SLC4A8: variants seen among roughly 807,000 people sequenced by gnomAD.
SLC4A8 encodes electroneutral sodium bicarbonate exchanger 1.
SLC4A8 carries 40 observed loss-of-function variants against 125.0 expected under a neutral mutation model. That is an observed-to-expected ratio of 0.32 (90% confidence interval 0.25 to 0.42). SLC4A8 has a LOEUF of 0.42. SLC4A8 is among the 10% of genes least tolerant of loss of function. SLC4A8 has a pLI of 1.00. For synonymous variants in SLC4A8, 456 were observed against 476.0 expected (o/e 0.96, Z 0.55); for missense variants, 863 against 1,355.1 (o/e 0.64, Z 5.70).
At chr12:51,469,836 A>G (rs756726753) in intron 12 of SLC4A8, 48 bp downstream of exon 12, 1 of 1,581,600 alleles carries the variant, frequency 6.3e-7, no homozygotes, top group Non-Finnish European at 8.7e-7. Context: ...GACCTAAAAT[A>G]TTGTGGCGGC....
chr12:51,422,211 C>G (rs905974711), upstream of SLC4A8: 3 of 152,182 alleles, frequency 2.0e-5, no homozygotes, highest in Admixed American at 2.0e-4. Context: ...GACATTATGA[C>G]TATTAAATGA....
At chr12:51,411,653 CTTAA>C (rs1371329142) in intron 1 of SLC4A8, among the ~76,000 whole-genome samples, 2 of 151,996 alleles carry the variant, frequency 1.3e-5, no homozygotes, top group Non-Finnish European at 2.9e-5. Flanking sequence ...GAGTTGGGTA[CTTAA>C]TTCATTTATT....
At chr12:51,447,529 T>C (rs1949811384) in intron 2 of SLC4A8, among the ~76,000 whole-genome samples, 1 of 152,104 alleles carries the variant, frequency 6.6e-6, no homozygotes, top group Admixed American at 6.5e-5. Context: ...GGCACATTTG[T>C]GGAATGGCAG....
At chr12:51,493,143 G>A (rs949473570) in intron 19 of SLC4A8, among the ~76,000 whole-genome samples, 1 of 152,110 alleles carries the variant, frequency 6.6e-6, no homozygotes, top group Non-Finnish European at 1.5e-5. Context: ...TAGACATGAC[G>A]TGATCAGAAA....
intron 18 of SLC4A8, 119 bp downstream of exon 18, chr12:51,488,979 G>A (rs1951232289): frequency 4.2e-6 from 3 of 719,210 alleles, no homozygotes; most frequent in East Asian, 5.3e-5. Flanking sequence ...GTTCATAAGG[G>A]GTTTCCATTC....
At position 51,405,876 on chromosome 12, in the gene SLC4A8, G is replaced by A. The variant is rs145336162; in HGVS notation, c.-112+14388G>A. Among the ~76,000 whole-genome samples, 74 of 152,318 alleles carry A rather than the reference G, an allele frequency of 4.9e-4. No individual in the cohort carries two copies. The Middle Eastern group carries it at 0.02, about 42-fold the overall frequency. On this transcript the variant is annotated intron_variant, in intron 1 of 24. Transcript: ENST00000358657. ...GAGTGATGATCATCAAATACCACAC[G>A]TAAGAGGTGACTTGTTTTTCAGAAA... is the stretch of plus-strand genomic sequence containing the variant.
At chr12:51,429,800 G>A (rs992327695) in intron 1 of SLC4A8, among the ~76,000 whole-genome samples, 5 of 151,776 alleles carry the variant, frequency 3.3e-5, no homozygotes, top group African/African-American at 1.2e-4. Context: ...TGACCACCAC[G>A]CCCAGCCGGT....
At chr12:51,470,580 G>A in intron 13 of SLC4A8, 55 bp downstream of exon 13, 1 of 1,516,876 alleles carries the variant, frequency 6.6e-7, no homozygotes, top group South Asian at 1.1e-5. Flanking sequence ...TATGCTGCCA[G>A]GATTAAATGT....
At chr12:51,391,448 T>A (rs1948100273) in exon 1 of SLC4A8, 1 of 153,626 alleles carries the variant, frequency 6.5e-6, no homozygotes, top group Non-Finnish European at 1.4e-5. Flanking sequence ...TCGGGGGTAG[T>A]GAGGAGGAAG....
At chr12:51,407,507 A>G (rs1948511792) in intron 1 of SLC4A8, among the ~76,000 whole-genome samples, 1 of 152,008 alleles carries the variant, frequency 6.6e-6, no homozygotes, top group South Asian at 2.1e-4. Flanking sequence ...GGGCTCAAGT[A>G]ATCTGCCCAC....
rs552768486 is a variant in SLC4A8, at chr12:51,424,975, G to A, written c.-13G>A. 6.4e-6 allele frequency: 10 copies of A among 1,552,188 alleles called. No homozygotes were observed. Among genetic ancestry groups the A allele is most frequent in the Non-Finnish European group, 8.7e-7 (1 of 1,148,034 alleles). ...GCTTGGAGCCCGTGGGGGAGACCTA[G>A]TTCGGCTCCGCCATGCCGGCCGCCG... On this transcript the variant is annotated 5_prime_UTR_variant, in exon 1 of 25. An upstream open reading frame in the 5' UTR loses its in-frame stop. Transcript: ENST00000453097.
At chr12:51,462,650 T>C (rs1950367684) in intron 10 of SLC4A8, 194 bp downstream of exon 10, 1 of 384,476 alleles carries the variant, frequency 2.6e-6, no homozygotes. Flanking sequence ...CTCAGCACTT[T>C]GGGACGCCGA....
chr12:51,469,848 G>A, intron 12 of SLC4A8, 60 bp downstream of exon 12: 1 of 1,543,902 alleles, frequency 6.5e-7, no homozygotes, highest in Admixed American at 1.7e-5. Context: ...TGTGGCGGCA[G>A]CCAGGTCCAC....
At chr12:51,437,440 C>T (rs897460673) in intron 1 of SLC4A8, among the ~76,000 whole-genome samples, 31 of 152,172 alleles carry the variant, frequency 2.0e-4, no homozygotes, top group African/African-American at 7.2e-4. Context: ...TTGGTGCCAT[C>T]CTCACAGTAA....
chr12:51,437,457 A>G (rs375476991), intron 1 of SLC4A8, among the ~76,000 whole-genome samples: 1 of 152,176 alleles, frequency 6.6e-6, no homozygotes, highest in African/African-American at 2.4e-5. Flanking sequence ...GTAATGAGTG[A>G]GTTCTTGCTC....
At chr12:51,456,943 A>G (rs7131892) in intron 5 of SLC4A8, among the ~76,000 whole-genome samples, 84,752 of 151,964 alleles carry the variant, frequency 0.56, 23,734 homozygotes, top group African/African-American at 0.58. Context: ...TGGAGGAAGG[A>G]AATGTAGGGG....
chr12:51,392,837 G>T (rs950476173), intron 1 of SLC4A8: 1 of 152,186 alleles, frequency 6.6e-6, no homozygotes, highest in Non-Finnish European at 1.5e-5. Flanking sequence ...GCGCTGCCTC[G>T]TGTGCTGCAA....
rs1950191919 is a variant in SLC4A8, at chr12:51,457,556, A to G, written c.763+17A>G. On this transcript the variant is annotated intron_variant, in intron 6 of 24. Transcript: ENST00000453097. ...ATAAACATGGTAAGATTATTAGGTG[A>G]TTTTTCTCTCTTTATTAATAAGACA... is the stretch of plus-strand genomic sequence containing the variant. The G allele has an allele frequency of 6.2e-7, 1 of 1,600,088 alleles. No individual in the cohort carries two copies. The highest frequency in any genetic ancestry group is 1.3e-5 in the African/African-American group (1 of 74,338).
At chr12:51,400,761 TATATATATATATATATACATAC>T (rs1252252676) in intron 1 of SLC4A8, among the ~76,000 whole-genome samples, 1,675 of 8,142 alleles carry the variant, frequency 0.21, 232 homozygotes, top group Non-Finnish European at 0.25. Context: ...TATATATATA[TATATATATATATATATACATAC>T]ATACACACAC....
Sources: allele counts gnomAD v4.1 joint callset (sites outside exome capture counted in the v4.1 genomes callset), GRCh38; gene constraint gnomAD v4.1.1; transcripts MANE v1.5; gene names NCBI Gene and HGNC (gene_info 2026-07-23, HGNC 2026-07-21).